PROSER1: variants seen among roughly 807,000 people sequenced by gnomAD.
The protein encoded by PROSER1 is proline and serine rich 1.
In PROSER1, 36 loss-of-function variants were observed where a neutral mutation model predicts 71.8. The observed-to-expected ratio is 0.50, with a 90% CI of 0.38 to 0.66. The LOEUF (loss-of-function observed/expected upper bound fraction) is 0.66. Among genes scored for constraint, PROSER1 ranks in the 30% least tolerant of loss-of-function variants. The pLI is 0.00. For synonymous variants in PROSER1, 490 were observed against 452.4 expected (o/e 1.08, Z -1.06); for missense variants, 1,107 against 1,135.0 (o/e 0.98, Z 0.35).
intron 6 of PROSER1, among the ~76,000 whole-genome samples, chr13:39,025,168 G>A (rs1042410962): frequency 2.0e-5 from 3 of 152,018 alleles, no homozygotes; most frequent in Non-Finnish European, 4.4e-5. Context: ...AAGTAGATAA[G>A]AAAAAATGGT....
intron 3 of PROSER1, among the ~76,000 whole-genome samples, chr13:39,030,155 C>T (rs969702341): frequency 6.6e-6 from 1 of 151,984 alleles, no homozygotes; most frequent in African/African-American, 2.4e-5. Context: ...ACTATAAGCC[C>T]CTTTGCATGT....
chr13:39,033,903 C>T (rs1315773349), intron 2 of PROSER1, among the ~76,000 whole-genome samples: 1 of 151,846 alleles, frequency 6.6e-6, no homozygotes, highest in Non-Finnish European at 1.5e-5. Flanking sequence ...GCTTTAAGAC[C>T]CTATATTTAA....
At chr13:39,015,366 T>C (rs553706565) in intron 10 of PROSER1, among the ~76,000 whole-genome samples, 1 of 152,334 alleles carries the variant, frequency 6.6e-6, no homozygotes, top group African/African-American at 2.4e-5. Context: ...AGGGATATCA[T>C]GACTTAGGTA....
chr13:39,025,942 T>C (rs1870525204), intron 6 of PROSER1, among the ~76,000 whole-genome samples: 2 of 152,204 alleles, frequency 1.3e-5, no homozygotes, highest in African/African-American at 4.8e-5. Context: ...AAGGAAACAC[T>C]GTATGCAAAG....
intron 4 of PROSER1, 39 bp downstream of exon 4, chr13:39,029,242 C>CAAAT: frequency 1.0e-6 from 1 of 982,742 alleles, no homozygotes; most frequent in Non-Finnish European, 1.4e-6. Context: ...ACATTTTTTC[C>CAAAT]CAAGTAAAAA....
intron 8 of PROSER1, chr13:39,022,734 T>G (rs1870353516): frequency 2.6e-6 from 1 of 378,334 alleles, no homozygotes; most frequent in Non-Finnish European, 4.8e-6. Flanking sequence ...TTTTTGAAGT[T>G]AAATGCATGA....
chr13:39,035,307 T>C (rs1245539926), intron 1 of PROSER1, among the ~76,000 whole-genome samples: 1 of 152,166 alleles, frequency 6.6e-6, no homozygotes, highest in African/African-American at 2.4e-5. Context: ...CATATCTCAA[T>C]TCTTCCATCA....
rs1593529801 is a variant in PROSER1, at chr13:39,017,534, G to T, written c.741C>A (p.Asp247Glu). 8 of 1,515,162 alleles carry T rather than the reference G, an allele frequency of 5.3e-6. No homozygotes were observed. The highest frequency in any genetic ancestry group is 7.2e-6 in the Non-Finnish European group (8 of 1,104,174). The allele number at this position is 1,515,162 out of a possible 1,614,324, so 93.9% of individuals were successfully genotyped here. A position where few individuals can be genotyped will look rare whatever the true frequency, so the allele number is the denominator to read the frequency against. The change falls in exon 10 of 13, where the codon GAC (aspartate) becomes GAA (glutamate). Residue 247 changes from aspartate (D) to glutamate (E), a missense_variant. Physicochemically the swap from Asp to Glu is conservative, Grantham distance 45. Coordinates refer to ENST00000352251, the MANE Select transcript of PROSER1 (RefSeq NM_025138.5). ...TPNPVGTENE[D>E]LSNPSKPIQN... ...GTATAGGTTTTGACGGATTCGAAAG[G>T]TCTTCATTCTCTATATAAAAATAAA...
At chr13:39,019,336 T>C (rs1014838327) in intron 9 of PROSER1, among the ~76,000 whole-genome samples, 8 of 140,840 alleles carry the variant, frequency 5.7e-5, no homozygotes, top group African/African-American at 2.1e-4. Context: ...ACCCTGTCTC[T>C]ACTAAAAATA....
Position 39,037,211 on chromosome 13 carries a change from T to A in PROSER1, c.32A>T (p.Asp11Val). 1 of 1,608,890 alleles carries A rather than the reference T, an allele frequency of 6.2e-7. No individual in the cohort carries two copies. The highest frequency in any genetic ancestry group is 8.5e-7 in the Non-Finnish European group (1 of 1,175,278). The change falls in exon 1 of 13, where the codon GAT becomes GTT. Residue 11 changes from aspartate (D) to valine (V), a missense_variant. Coordinates refer to ENST00000352251, the MANE Select transcript of PROSER1 (RefSeq NM_025138.5). MDKKSFEMVL[D>V]EIRKAVLTEY... ...CGGTCTAATTACCTTTCTAATTTCA[T>A]CCAGCACCATTTCAAAGGACTTTTT...
At chr13:39,036,309 C>A (rs577383322) in intron 1 of PROSER1, among the ~76,000 whole-genome samples, 1 of 152,176 alleles carries the variant, frequency 6.6e-6, no homozygotes, top group South Asian at 2.1e-4. Flanking sequence ...AAAAACAAAG[C>A]AAAACAGCAA....
In PROSER1 at chr13:39,014,470, G is replaced by GA; in HGVS notation, c.781dup (p.Ser261PhefsTer14). 6.2e-7 allele frequency: 1 copy of GA among 1,604,656 alleles called. No individual in the cohort carries two copies. Among genetic ancestry groups the GA allele is most frequent in the Non-Finnish European group, 8.5e-7 (1 of 1,172,986 alleles). On this transcript the variant is annotated frameshift_variant, in exon 11 of 13. Transcript: ENST00000352251. LOFTEE classifies it high-confidence loss of function. ...AGAAAAGAGTTGACTTGCTGGGGTG[G>GA]AAAATGCTATATGGAAGGGGGAAAA...
At chr13:39,032,938 T>TTTTTTTTA (rs1870924392) in intron 2 of PROSER1, among the ~76,000 whole-genome samples, 1 of 151,956 alleles carries the variant, frequency 6.6e-6, no homozygotes, top group African/African-American at 2.4e-5. Context: ...TTTTTTTTTT[T>TTTTTTTTA]GAGACAGAGT....
chr13:39,032,493 A>G (rs1011380462), intron 2 of PROSER1, among the ~76,000 whole-genome samples: 1 of 152,242 alleles, frequency 6.6e-6, no homozygotes, highest in East Asian at 1.9e-4. Flanking sequence ...ACAAGAAGAC[A>G]GTTCCTGAAA....
At chr13:39,023,378 A>C in intron 7 of PROSER1, 1 of 405,202 alleles carries the variant, frequency 2.5e-6, no homozygotes, top group African/African-American at 2.0e-5. Context: ...AATCATCTCC[A>C]ATAAGGGGTT....
chr13:39,016,767 T>A (rs1029704096), intron 10 of PROSER1, among the ~76,000 whole-genome samples: 3 of 152,212 alleles, frequency 2.0e-5, no homozygotes, highest in Non-Finnish European at 4.4e-5. Context: ...CCCACTATGC[T>A]ACCTCCTTTA....
intron 1 of PROSER1, 68 bp from the exon 2 acceptor site, chr13:39,034,264 A>C (rs544749283): frequency 2.3e-5 from 30 of 1,320,648 alleles, no homozygotes; most frequent in Admixed American, 1.0e-4. Flanking sequence ...ACAGTAATAT[A>C]CATCTATCAA....
intron 6 of PROSER1, among the ~76,000 whole-genome samples, chr13:39,024,930 T>C (rs1042536042): frequency 1.3e-5 from 2 of 152,146 alleles, no homozygotes; most frequent in African/African-American, 4.8e-5. Flanking sequence ...CCTGAACATA[T>C]CCACCCATAT....
At chr13:39,017,877 A>G (rs1013837972) in intron 9 of PROSER1, 2 of 209,782 alleles carry the variant, frequency 9.5e-6, no homozygotes, top group Non-Finnish European at 1.9e-5. Flanking sequence ...CACTTTCTGG[A>G]AAGATGCTGG....
Sources: allele counts gnomAD v4.1 joint callset (sites outside exome capture counted in the v4.1 genomes callset), GRCh38; gene constraint gnomAD v4.1.1; transcripts MANE v1.5; gene names NCBI Gene and HGNC (gene_info 2026-07-23, HGNC 2026-07-21).